The following PPP1CC variants were observed in gnomAD, a reference collection of about 807,000 sequenced individuals.
PPP1CC encodes serine/threonine-protein phosphatase PP1-gamma catalytic subunit.
A neutral mutation model predicts 38.4 loss-of-function variants in PPP1CC; 16 were observed. The ratio of observed to expected loss-of-function variants is 0.42; its 90% CI spans 0.28 to 0.63. PPP1CC has a LOEUF of 0.63. Among genes scored for constraint, PPP1CC ranks in the 30% least tolerant of loss-of-function variants. The pLI is 0.25. For synonymous variants in PPP1CC, 158 were observed against 136.0 expected (o/e 1.16, Z -1.13); for missense variants, 170 against 391.3 (o/e 0.43, Z 4.77).
downstream of PPP1CC, among the ~76,000 whole-genome samples, chr12:110,718,763 C>A (rs1310212859): frequency 6.6e-6 from 1 of 152,178 alleles, no homozygotes; most frequent in African/African-American, 2.4e-5. Flanking sequence ...TCAGGTCACT[C>A]ACTCAAATCA....
chr12:110,708,859 A>G, the PPP1CC span, among the ~76,000 whole-genome samples: 2 of 151,426 alleles, frequency 1.3e-5, no homozygotes, highest in East Asian at 1.9e-4. Context: ...TCAAAAAAAA[A>G]AAAAAAAAAG....
intron 1 of PPP1CC, 133 bp from the exon 2 acceptor site, chr12:110,732,034 C>T (rs1049610567): frequency 7.4e-6 from 7 of 943,884 alleles, no homozygotes; most frequent in Non-Finnish European, 1.1e-5. Flanking sequence ...TTATAATAAA[C>T]ATGGTTTTAA....
intron 1 of PPP1CC, among the ~76,000 whole-genome samples, chr12:110,742,450 G>A (rs565175189): frequency 6.6e-6 from 1 of 152,302 alleles, no homozygotes; most frequent in East Asian, 1.9e-4. Context: ...GGAGCCTGGA[G>A]GGTCCGCAGC....
chr12:110,729,192 CTT>C (rs1026282471), intron 3 of PPP1CC, among the ~76,000 whole-genome samples: 13 of 120,226 alleles, frequency 1.1e-4, no homozygotes, highest in Admixed American at 8.3e-5. Context: ...ATTTTCAAAG[CTT>C]TTTTTTTTTT....
rs746657672 is a variant in PPP1CC, at chr12:110,731,774, TA to T, written c.182del (p.Ile61AsnfsTer52). 6.2e-7 allele frequency: 1 copy of T among 1,607,532 alleles called. No individual in the cohort carries two copies. The highest frequency in any genetic ancestry group is 1.7e-5 in the Admixed American group (1 of 59,778). ...ILLELEAPLK[I>X]CGDIHGQYYD... ...ACCTGTGTGCCCCAAACTTACCACA[TA>T]TTTTGAGTGGTGCTTCAAGTTCTAG... On this transcript the variant is annotated frameshift_variant, in exon 2 of 7. Transcript: ENST00000335007. LOFTEE classifies it high-confidence loss of function.
At chr12:110,709,205 A>G in the PPP1CC span, among the ~76,000 whole-genome samples, 2 of 151,932 alleles carry the variant, frequency 1.3e-5, no homozygotes, top group Non-Finnish European at 2.9e-5. Context: ...ACATAAAATA[A>G]CCATGTTTAT....
intron 1 of PPP1CC, among the ~76,000 whole-genome samples, chr12:110,735,423 G>A (rs1194574364): frequency 1.3e-5 from 2 of 152,132 alleles, no homozygotes; most frequent in African/African-American, 4.8e-5. Context: ...ACGAGGCCGC[G>A]ATGCTACATC....
chr12:110,727,612 T>TAAAA (rs60861001), intron 3 of PPP1CC, among the ~76,000 whole-genome samples: 168 of 133,436 alleles, frequency 1.3e-3, no homozygotes, highest in Non-Finnish European at 2.3e-3. Flanking sequence ...TTTACAAAGT[T>TAAAA]AAAAAAAAAA....
At chr12:110,728,348 G>A (rs980727004) in intron 3 of PPP1CC, among the ~76,000 whole-genome samples, 9 of 149,170 alleles carry the variant, frequency 6.0e-5, no homozygotes, top group East Asian at 3.9e-4. Context: ...GCAGTGAGGC[G>A]AGATCGCGCC....
At chr12:110,721,948 C>T in intron 6 of PPP1CC, 187 bp downstream of exon 6, 3 of 575,038 alleles carry the variant, frequency 5.2e-6, no homozygotes, top group Non-Finnish European at 8.4e-6. Context: ...GGAAAAGGTG[C>T]CATAATTAAT....
At chr12:110,724,250 C>T (rs1405812029) in intron 4 of PPP1CC, among the ~76,000 whole-genome samples, 3 of 151,434 alleles carry the variant, frequency 2.0e-5, no homozygotes, top group Non-Finnish European at 4.4e-5. Context: ...AAAACAAAAA[C>T]AAAAACAAAA....
At chr12:110,708,865 A>G in the PPP1CC span, among the ~76,000 whole-genome samples, 4 of 142,056 alleles carry the variant, frequency 2.8e-5, no homozygotes, top group East Asian at 5.8e-4. Context: ...AAAAAAAAAA[A>G]AAAGAAAAGA....
At chr12:110,729,186 T>TG (rs995807741) in intron 3 of PPP1CC, among the ~76,000 whole-genome samples, 2 of 149,426 alleles carry the variant, frequency 1.3e-5, no homozygotes, top group African/African-American at 5.0e-5. Flanking sequence ...ACTGATATTT[T>TG]CAAAGCTTTT....
intron 1 of PPP1CC, 164 bp from the exon 2 acceptor site, chr12:110,732,065 A>T (rs2069878996): frequency 1.4e-6 from 1 of 729,444 alleles, no homozygotes; most frequent in African/African-American, 1.8e-5. Flanking sequence ...GAATCTTAAA[A>T]TCTTAGACAA....
the PPP1CC span, among the ~76,000 whole-genome samples, chr12:110,712,828 T>C: frequency 2.0e-5 from 3 of 151,688 alleles, no homozygotes; most frequent in African/African-American, 7.3e-5. Context: ...TCCCAGCACT[T>C]TGTGAGGGCA....
At chr12:110,728,299 T>G (rs928164350) in intron 3 of PPP1CC, among the ~76,000 whole-genome samples, 1 of 149,302 alleles carries the variant, frequency 6.7e-6, no homozygotes, top group Admixed American at 6.8e-5. Context: ...CTCGGGAGGC[T>G]GAGGCAGGAG....
At chr12:110,728,397 C>CAAAAAA (rs1234259790) in intron 3 of PPP1CC, among the ~76,000 whole-genome samples, 407 of 78,288 alleles carry the variant, frequency 5.2e-3, no homozygotes, top group Non-Finnish European at 7.6e-3. Context: ...GACTCCGTCT[C>CAAAAAA]AAAAAAAAAA....
intron 1 of PPP1CC, 105 bp downstream of exon 1, chr12:110,742,548 T>C (rs1483425558): frequency 1.4e-5 from 14 of 982,864 alleles, no homozygotes; most frequent in Non-Finnish European, 1.9e-5. Flanking sequence ...CTCCCCACGG[T>C]GCTGCAAGCC....
At chr12:110,719,291 C>G (rs777319502), downstream of PPP1CC, among the ~76,000 whole-genome samples, 10 of 152,088 alleles carry the variant, frequency 6.6e-5, no homozygotes, top group African/African-American at 2.2e-4. Context: ...GCCTCAGGAC[C>G]GGGGCTTGTT....
Sources: allele counts gnomAD v4.1 joint callset (sites outside exome capture counted in the v4.1 genomes callset), GRCh38; gene constraint gnomAD v4.1.1; transcripts MANE v1.5; gene names NCBI Gene and HGNC (gene_info 2026-07-23, HGNC 2026-07-21).